CNTN5: variants seen among roughly 807,000 people sequenced by gnomAD.
CNTN5 encodes the protein contactin 5, also known as contactin-5.
Under a neutral mutation model 129.1 loss-of-function variants are expected in CNTN5, and 77 were observed. The observed-to-expected ratio is 0.60, with a 90% CI of 0.50 to 0.72. The LOEUF is 0.72. Ranked by LOEUF, CNTN5 falls within the 30% of genes least tolerant of loss-of-function variation. CNTN5 has a pLI of 0.00. For missense variants in CNTN5, 1,478 were observed against 1,328.8 expected (o/e 1.11, Z -1.75); for synonymous variants, 509 against 465.6 (o/e 1.09, Z -1.20).
chr11:100,061,682 A>G (rs1355905240), intron 10 of CNTN5, among the ~76,000 whole-genome samples: 4 of 152,198 alleles, frequency 2.6e-5, no homozygotes, highest in Admixed American at 2.6e-4. Context: ...CAAGTTAAAA[A>G]TCTTGGAAAA....
intron 1 of CNTN5, among the ~76,000 whole-genome samples, chr11:99,260,932 G>A (rs1327881398): frequency 6.6e-6 from 1 of 151,892 alleles, no homozygotes; most frequent in Non-Finnish European, 1.5e-5. Context: ...GTGGGCATTT[G>A]TTTACTCTTA....
chr11:99,806,261 C>T lies in CNTN5; in HGVS notation c.56-13283C>T, dbSNP rs573392505. 2.0e-5 allele frequency among the ~76,000 whole-genome samples: 3 copies of T among 152,170 alleles called. No homozygotes were observed. The East Asian group carries it at 5.8e-4, about 29-fold the overall frequency. On this transcript the variant is annotated intron_variant, in intron 3 of 24. Coordinates refer to ENST00000524871, the MANE Select transcript of CNTN5 (RefSeq NM_014361.4). The stretch of plus-strand genomic sequence containing the variant: ...AATAAAATAAATTGGTATCTCATCT[C>T]TTAGATATTCTTTATTTTTTGGAAT...
At chr11:99,430,982 A>G (rs951597769) in intron 2 of CNTN5, among the ~76,000 whole-genome samples, 7 of 142,732 alleles carry the variant, frequency 4.9e-5, no homozygotes. Flanking sequence ...AAATTTTTGG[A>G]TCCTTTTTCC....
At chr11:99,305,767 G>A (rs895786499) in intron 1 of CNTN5, among the ~76,000 whole-genome samples, 1 of 151,998 alleles carries the variant, frequency 6.6e-6, no homozygotes, top group Non-Finnish European at 1.5e-5. Context: ...GATCACCTGA[G>A]GTCGGGAGTT....
chr11:99,950,322 C>T (rs758948795), intron 7 of CNTN5, among the ~76,000 whole-genome samples: 2 of 150,874 alleles, frequency 1.3e-5, no homozygotes, highest in Non-Finnish European at 3.0e-5. Context: ...ACTAAAAATA[C>T]AAAAAAAAAT....
intron 24 of CNTN5, among the ~76,000 whole-genome samples, chr11:100,353,157 C>G (rs1252087402): frequency 2.0e-5 from 3 of 151,386 alleles, no homozygotes; most frequent in African/African-American, 7.3e-5. Context: ...ACTTCTACTC[C>G]AAGAAAAAAA....
chr11:99,887,134 A>G (rs949963458), intron 6 of CNTN5, among the ~76,000 whole-genome samples: 1 of 152,170 alleles, frequency 6.6e-6, no homozygotes. Flanking sequence ...AACATTAAAT[A>G]TTTTATTTCT....
intron 18 of CNTN5, among the ~76,000 whole-genome samples, chr11:100,273,388 C>T (rs562233314): frequency 2.6e-5 from 4 of 152,176 alleles, no homozygotes; most frequent in East Asian, 1.9e-4. Context: ...GCCCTGACAG[C>T]GCCTGGTAGT....
At chr11:100,316,906 G>GA (rs1318203082) in intron 21 of CNTN5, among the ~76,000 whole-genome samples, 3 of 152,060 alleles carry the variant, frequency 2.0e-5, no homozygotes, top group African/African-American at 7.2e-5. Flanking sequence ...TTATTATCAA[G>GA]AAAAAACAAA....
intron 8 of CNTN5, among the ~76,000 whole-genome samples, chr11:99,982,490 AAAAAG>A (rs1026461124): frequency 6.6e-6 from 1 of 152,228 alleles, no homozygotes; most frequent in African/African-American, 2.4e-5. Context: ...TGTGGAAAGA[AAAAAG>A]AAGCAACACA....
intron 3 of CNTN5, among the ~76,000 whole-genome samples, chr11:99,719,264 G>A (rs1411274627): frequency 6.6e-6 from 1 of 151,922 alleles, no homozygotes; most frequent in African/African-American, 2.4e-5. Context: ...AGGTTGCAGT[G>A]AGCTGAGATC....
At chr11:99,989,453 C>T (rs1938907998) in intron 8 of CNTN5, among the ~76,000 whole-genome samples, 1 of 151,798 alleles carries the variant, frequency 6.6e-6, no homozygotes, top group Non-Finnish European at 1.5e-5. Flanking sequence ...ATCAAAGTAC[C>T]AACTTTTTTT....
chr11:100,029,175 A>G (rs1941578845), intron 9 of CNTN5, among the ~76,000 whole-genome samples: 1 of 152,218 alleles, frequency 6.6e-6, no homozygotes, highest in African/African-American at 2.4e-5. Flanking sequence ...TGACAAAACA[A>G]AACAACTTGA....
chr11:99,566,912 C>T (rs1949023608), intron 3 of CNTN5, among the ~76,000 whole-genome samples: 1 of 152,154 alleles, frequency 6.6e-6, no homozygotes, highest in Non-Finnish European at 1.5e-5. Flanking sequence ...TTTTTGTCAA[C>T]ATCCTAAATT....
intron 2 of CNTN5, among the ~76,000 whole-genome samples, chr11:99,549,188 T>G (rs1467222422): frequency 6.6e-6 from 1 of 152,130 alleles, no homozygotes; most frequent in African/African-American, 2.4e-5. Context: ...CTATTGACTC[T>G]CACTTTTAGT....
intron 3 of CNTN5, among the ~76,000 whole-genome samples, chr11:99,597,800 G>A (rs560037972): frequency 1.3e-5 from 2 of 152,192 alleles, no homozygotes; most frequent in African/African-American, 4.8e-5. Context: ...CATTTTCAAT[G>A]AGTAATCACC....
chr11:99,515,960 A>C, intron 2 of CNTN5, among the ~76,000 whole-genome samples: 1 of 146,952 alleles, frequency 6.8e-6, no homozygotes, highest in East Asian at 2.0e-4. Context: ...AAAAAAAAAA[A>C]ACAAAATCAT....
chr11:100,354,405 A>G (rs1457213500), intron 24 of CNTN5, among the ~76,000 whole-genome samples: 1 of 151,632 alleles, frequency 6.6e-6, no homozygotes, highest in East Asian at 1.9e-4. Flanking sequence ...CTAATATATT[A>G]GCTGCATACA....
intron 21 of CNTN5, among the ~76,000 whole-genome samples, chr11:100,339,327 T>C (rs1952108507): frequency 6.6e-6 from 1 of 152,156 alleles, no homozygotes; most frequent in South Asian, 2.1e-4. Context: ...TGGAAAATTT[T>C]ACTGAGCAAT....
Sources: allele counts gnomAD v4.1 joint callset (sites outside exome capture counted in the v4.1 genomes callset), GRCh38; gene constraint gnomAD v4.1.1; transcripts MANE v1.5; gene names NCBI Gene and HGNC (gene_info 2026-07-23, HGNC 2026-07-21).